CDC42BPA: variants seen among roughly 807,000 people sequenced by gnomAD.
CDC42BPA encodes serine/threonine-protein kinase MRCK alpha.
A neutral mutation model predicts 223.5 loss-of-function variants in CDC42BPA; 80 were observed. The ratio of observed to expected loss-of-function variants is 0.36; its 90% CI spans 0.30 to 0.43. The LOEUF is 0.43. CDC42BPA is among the 20% of genes least tolerant of loss of function. The pLI is 1.00. For synonymous variants in CDC42BPA, 694 were observed against 718.6 expected (o/e 0.97, Z 0.55); for missense variants, 1,743 against 2,099.9 (o/e 0.83, Z 3.32).
At chr1:226,998,790 C>T (rs1208676824) in intron 35 of CDC42BPA, among the ~76,000 whole-genome samples, 2 of 152,124 alleles carry the variant, frequency 1.3e-5, no homozygotes, top group Non-Finnish European at 2.9e-5. Context: ...CCAAAATTGG[C>T]AAATGGGATC....
intron 10 of CDC42BPA, among the ~76,000 whole-genome samples, chr1:227,135,855 C>A (rs12724477): frequency 0.63 from 4,052 of 6,388 alleles, 1,405 homozygotes; most frequent in Middle Eastern, 0.85. Flanking sequence ...CTCTGTCTCC[C>A]AAAAAAAAAA....
In CDC42BPA at chr1:227,129,201, T is replaced by C. The variant is rs1656471763; in HGVS notation, c.1421A>G (p.Tyr474Cys). The change falls in exon 11 of 37, where the codon TAT (tyrosine) becomes TGT (cysteine). Residue 474 changes from tyrosine to cysteine, a missense_variant. This residue lies in a region of CDC42BPA where 464 missense variants were observed against 488.0 expected (regional missense o/e 0.95). Transcript: ENST00000366766. ...TGTTAGTGGACCATCAACAGTTGAA[T>C]ACTGCAGAGCTTGGACAGTCTGTGT... ...ESTQTVQALQ[Y>C]STVDGPLTAS... 2 of 1,598,594 alleles carry C rather than the reference T, an allele frequency of 1.3e-6. No individual in the cohort carries two copies. The highest frequency in any genetic ancestry group is 8.5e-7 in the Non-Finnish European group (1 of 1,170,430).
chr1:227,064,901 T>C (rs1011785717), intron 21 of CDC42BPA, among the ~76,000 whole-genome samples: 3 of 151,946 alleles, frequency 2.0e-5, no homozygotes, highest in Non-Finnish European at 2.9e-5. Context: ...ATCAAGACCA[T>C]CCTGGCTAAC....
intron 4 of CDC42BPA, among the ~76,000 whole-genome samples, chr1:227,196,122 T>C (rs6426588): frequency 4.6e-5 from 7 of 151,206 alleles, no homozygotes; most frequent in Non-Finnish European, 8.8e-5. Context: ...TCCAGTCCAA[T>C]GAAACAATGC....
intron 2 of CDC42BPA, among the ~76,000 whole-genome samples, chr1:227,218,574 T>C (rs1346511081): frequency 6.6e-6 from 1 of 152,208 alleles, no homozygotes; most frequent in Admixed American, 6.5e-5. Flanking sequence ...ATTAACTTAC[T>C]CATAGTGACA....
intron 6 of CDC42BPA, among the ~76,000 whole-genome samples, chr1:227,158,163 G>T (rs1399325314): frequency 1.3e-5 from 2 of 152,034 alleles, no homozygotes; most frequent in Non-Finnish European, 2.9e-5. Flanking sequence ...CTTTCACTGT[G>T]TTGGCCAGGC....
intron 5 of CDC42BPA, among the ~76,000 whole-genome samples, chr1:227,186,934 G>A (rs1005006940): frequency 6.6e-6 from 1 of 152,108 alleles, no homozygotes; most frequent in African/African-American, 2.4e-5. Flanking sequence ...AAGAGCTTCT[G>A]ATATTTTAAT....
chr1:227,242,750 C>T (rs945576953), intron 2 of CDC42BPA, among the ~76,000 whole-genome samples: 1 of 152,004 alleles, frequency 6.6e-6, no homozygotes, highest in African/African-American at 2.4e-5. Flanking sequence ...ATGAACAAGA[C>T]ATCTACATTG....
chr1:227,111,187 G>C (rs1343116411), intron 14 of CDC42BPA, among the ~76,000 whole-genome samples: 1 of 152,146 alleles, frequency 6.6e-6, no homozygotes, highest in African/African-American at 2.4e-5. Context: ...TTAGACACTA[G>C]ACTAAGCATG....
intron 10 of CDC42BPA, among the ~76,000 whole-genome samples, chr1:227,133,682 T>G (rs1369523199): frequency 6.6e-6 from 1 of 152,126 alleles, no homozygotes; most frequent in Non-Finnish European, 1.5e-5. Context: ...CTGTGCTCTC[T>G]GAAACATGTG....
chr1:227,191,509 G>A (rs570578780), intron 5 of CDC42BPA, among the ~76,000 whole-genome samples: 4 of 152,034 alleles, frequency 2.6e-5, no homozygotes, highest in Admixed American at 6.6e-5. Context: ...CCACATAACA[G>A]TATCTCTAAC....
At chr1:227,231,883 A>G (rs149915772) in intron 2 of CDC42BPA, among the ~76,000 whole-genome samples, 14,637 of 152,114 alleles carry the variant, frequency 0.096, 742 homozygotes, top group Middle Eastern at 0.17. Flanking sequence ...TCTGGATATT[A>G]GCCCTTTGTC....
At chr1:227,236,661 G>C (rs1164385279) in intron 2 of CDC42BPA, among the ~76,000 whole-genome samples, 1 of 152,048 alleles carries the variant, frequency 6.6e-6, no homozygotes, top group Non-Finnish European at 1.5e-5. Flanking sequence ...CTAAAACTCA[G>C]ATCAAGAAAT....
intron 1 of CDC42BPA, among the ~76,000 whole-genome samples, chr1:227,268,323 T>C (rs1031358422): frequency 3.5e-4 from 54 of 152,248 alleles, no homozygotes; most frequent in South Asian, 8.3e-4. Context: ...AAAGTATTTA[T>C]TGTAGCCTTT....
At chr1:227,090,487 T>G (rs927864930) in intron 16 of CDC42BPA, among the ~76,000 whole-genome samples, 1 of 152,124 alleles carries the variant, frequency 6.6e-6, no homozygotes, top group East Asian at 1.9e-4. Flanking sequence ...TAAATTTAAG[T>G]AGAATTATTA....
At chr1:227,296,948 C>G (rs1690750023) in intron 1 of CDC42BPA, among the ~76,000 whole-genome samples, 1 of 151,942 alleles carries the variant, frequency 6.6e-6, no homozygotes, top group Non-Finnish European at 1.5e-5. Context: ...AAAGAATATC[C>G]AGAATGTATG....
At chr1:227,075,791 C>T (rs926352243) in intron 17 of CDC42BPA, among the ~76,000 whole-genome samples, 1 of 152,044 alleles carries the variant, frequency 6.6e-6, no homozygotes, top group Non-Finnish European at 1.5e-5. Flanking sequence ...CTTTAAGTGC[C>T]CAGGCTAACA....
At chr1:227,151,881 CAAAA>C (rs58336726) in intron 6 of CDC42BPA, among the ~76,000 whole-genome samples, 32 of 85,770 alleles carry the variant, frequency 3.7e-4, no homozygotes, top group East Asian at 6.8e-4. Flanking sequence ...CCAGTCTCTA[CAAAA>C]AAAAAAAAAA....
intron 5 of CDC42BPA, among the ~76,000 whole-genome samples, chr1:227,168,657 G>A (rs981955348): frequency 3.3e-5 from 5 of 151,784 alleles, no homozygotes; most frequent in Admixed American, 3.3e-4. Context: ...CACCACGTCC[G>A]GCTAATTTTT....
Sources: gnomAD v4.1 joint callset for allele counts (sites outside exome capture counted in the v4.1 genomes callset) on GRCh38, gnomAD v4.1.1 for gene constraint, gnomAD v4.1.1 regional missense constraint, MANE v1.5 for transcripts, NCBI Gene and HGNC (gene_info 2026-07-23, HGNC 2026-07-21) for gene names.